PBX3: variants seen among roughly 807,000 people sequenced by gnomAD.
PBX3 encodes PBX homeobox 3.
A neutral mutation model predicts 48.5 loss-of-function variants in PBX3; 14 were observed. The observed-to-expected ratio is 0.29, with a 90% CI of 0.19 to 0.45. The LOEUF is 0.45. Among genes scored for constraint, PBX3 ranks in the 20% least tolerant of loss-of-function variants. The pLI, the probability that PBX3 is intolerant of heterozygous loss-of-function variation, is 1.00. For synonymous variants in PBX3, 210 were observed against 200.3 expected (o/e 1.05, Z -0.41); for missense variants, 386 against 546.7 (o/e 0.71, Z 2.93).
intron 2 of PBX3, among the ~76,000 whole-genome samples, chr9:125,755,886 A>G (rs767373486): frequency 3.9e-5 from 6 of 151,966 alleles, no homozygotes; most frequent in Admixed American, 1.3e-4. Flanking sequence ...CTGTATAAAA[A>G]TATACTAAAA....
intron 3 of PBX3, among the ~76,000 whole-genome samples, chr9:125,919,359 A>ATTTTTTTT (rs34891465): frequency 0.038 from 3,849 of 101,382 alleles, no homozygotes; most frequent in Middle Eastern, 0.059. Context: ...TGCCCGTCTA[A>ATTTTTTTT]TTTTTTTTTT....
chr9:125,844,174 A>G (rs149415671), intron 2 of PBX3, among the ~76,000 whole-genome samples: 2 of 151,958 alleles, frequency 1.3e-5, no homozygotes, highest in Non-Finnish European at 2.9e-5. Context: ...GAAGTTTTCT[A>G]TTATAATTTA....
At chr9:125,823,324 A>G (rs1838710181) in intron 2 of PBX3, among the ~76,000 whole-genome samples, 1 of 152,160 alleles carries the variant, frequency 6.6e-6, no homozygotes, top group Non-Finnish European at 1.5e-5. Flanking sequence ...TTGATGTGCT[A>G]TTTAACTTTT....
chr9:125,827,456 T>A (rs984429715), intron 2 of PBX3, among the ~76,000 whole-genome samples: 1 of 152,166 alleles, frequency 6.6e-6, no homozygotes, highest in Non-Finnish European at 1.5e-5. Flanking sequence ...TTGGTACATA[T>A]TCTTCTCATG....
chr9:125,882,242 A>G (rs1840399784), intron 2 of PBX3, among the ~76,000 whole-genome samples: 1 of 151,638 alleles, frequency 6.6e-6, no homozygotes, highest in Non-Finnish European at 1.5e-5. Flanking sequence ...TTTTTTTACT[A>G]AATTCCAGAC....
At position 125,838,176 on chromosome 9, in the gene PBX3, G is replaced by A. The variant is rs79176942; in HGVS notation, c.275-77510G>A. On this transcript the variant is annotated intron_variant, in intron 2 of 8. Coordinates refer to ENST00000373489, the MANE Select transcript of PBX3 (RefSeq NM_006195.6). ...AGGGATTCTCCTGCCTCAGACCCCT[G>A]TGTAGCTAGGACTGCAGGTGTGCGC... Among the ~76,000 whole-genome samples the A allele has an allele frequency of 3.5e-3, 537 of 152,268 alleles. 3 individuals carry two copies. Among genetic ancestry groups the A allele is most frequent in the African/African-American group, 0.012 (518 of 41,556 alleles).
chr9:125,889,122 C>T (rs191394193), intron 2 of PBX3, among the ~76,000 whole-genome samples: 31 of 152,348 alleles, frequency 2.0e-4, no homozygotes, highest in Admixed American at 1.1e-3. Flanking sequence ...ATACACCAGA[C>T]ACCTTATTGC....
chr9:125,761,132 G>A (rs989347039), intron 2 of PBX3, among the ~76,000 whole-genome samples: 3 of 151,942 alleles, frequency 2.0e-5, no homozygotes, highest in African/African-American at 7.2e-5. Flanking sequence ...TTAATGAAGT[G>A]CAACATAAAT....
intron 2 of PBX3, among the ~76,000 whole-genome samples, chr9:125,853,486 A>C (rs1368166328): frequency 6.6e-6 from 1 of 152,216 alleles, no homozygotes; most frequent in Non-Finnish European, 1.5e-5. Flanking sequence ...AAAAAGAAGA[A>C]TATCAGTCAT....
Position 125,965,868 on chromosome 9 carries a change from C to T in PBX3, c.1250C>T (p.Ser417Phe). The change falls in exon 9 of 9, where the codon TCT (serine) becomes TTT (phenylalanine). Residue 417 changes from serine (S) to phenylalanine (F), a missense_variant. This residue lies in a region of PBX3 where 127 missense variants were observed against 143.3 expected (regional missense o/e 0.89). Coordinates refer to ENST00000373489, the MANE Select transcript of PBX3 (RefSeq NM_006195.6). ...GGWQDATTPS[S>F]VTSPTEGPGS... is the part of the protein sequence containing the mutation. Reference sequence around the variant, plus strand: ...TGGCAGGACGCAACAACTCCATCTTCTGTGACTTCTCCTACAGAAGGCCCA... The same window carrying T: ...TGGCAGGACGCAACAACTCCATCTTTTGTGACTTCTCCTACAGAAGGCCCA... The T allele has an allele frequency of 6.2e-7, 1 of 1,614,176 alleles. No individual in the cohort carries two copies. Among genetic ancestry groups the T allele is most frequent in the South Asian group, 1.1e-5 (1 of 91,082 alleles).
intron 2 of PBX3, among the ~76,000 whole-genome samples, chr9:125,874,386 G>A (rs1840199712): frequency 6.6e-6 from 1 of 152,036 alleles, no homozygotes; most frequent in Non-Finnish European, 1.5e-5. Flanking sequence ...TACAAGAAAG[G>A]AAAATGACAG....
rs199772154 is a variant in PBX3, at chr9:125,788,874, C to CA, written c.274+40263dup. 4.5e-3 allele frequency among the ~76,000 whole-genome samples: 629 copies of CA among 139,120 alleles called. 1 individual carries two copies. Among genetic ancestry groups the CA allele is most frequent in the East Asian group, 0.013 (63 of 4,882 alleles). 91.3% of individuals were successfully genotyped at this position (139,120 alleles called of 152,430 possible). On this transcript the variant is annotated intron_variant, in intron 2 of 8. Transcript: ENST00000373489. The stretch of plus-strand genomic sequence containing the variant: ...TGGGCGACAGAGCGAGACTCCATCT[C>CA]AAAAAAAAAAAAGGAAAGCTTGCTG...
chr9:125,799,773 GAATTT>G (rs1837886431), intron 2 of PBX3, among the ~76,000 whole-genome samples: 1 of 152,134 alleles, frequency 6.6e-6, no homozygotes, highest in Non-Finnish European at 1.5e-5. Context: ...TCATGAGCTA[GAATTT>G]AGTGGTAATT....
At chr9:125,891,166 G>T (rs73667280) in intron 2 of PBX3, among the ~76,000 whole-genome samples, 9,072 of 152,104 alleles carry the variant, frequency 0.06, 629 homozygotes, top group East Asian at 0.17. Flanking sequence ...ACTATGCACT[G>T]GTTCCAAAAA....
intron 2 of PBX3, among the ~76,000 whole-genome samples, chr9:125,911,950 C>T (rs1375464847): frequency 2.6e-5 from 4 of 152,116 alleles, no homozygotes; most frequent in African/African-American, 7.2e-5. Context: ...TTCAGGACCA[C>T]GTGTAGAACA....
Position 125,961,714 on chromosome 9 carries a change from C to T in PBX3, c.1010-388C>T, listed in dbSNP as rs1842435143. Among the ~76,000 whole-genome samples the T allele has an allele frequency of 2.6e-5, 4 of 152,178 alleles. No homozygotes were observed. In the South Asian group the frequency reaches 8.3e-4, roughly 31 times the overall value. On this transcript the variant is annotated intron_variant, in intron 6 of 8. Coordinates refer to ENST00000373489, the MANE Select transcript of PBX3 (RefSeq NM_006195.6). ...AAGAGCTCCTGGAAAAGTCTCTTCTCTGGGTGGCTGTCCACTGTGACAGCC... is the reference window on the plus strand; with the variant it reads ...AAGAGCTCCTGGAAAAGTCTCTTCTTTGGGTGGCTGTCCACTGTGACAGCC...
At position 125,783,992 on chromosome 9, in the gene PBX3, C is replaced by T. The variant is rs186331175; in HGVS notation, c.274+35369C>T. On this transcript the variant is annotated intron_variant, in intron 2 of 8. Coordinates refer to ENST00000373489, the MANE Select transcript of PBX3 (RefSeq NM_006195.6). ...CTGCAGCCTGAGTGACAGATGGAGA[C>T]TTTGTTTCAAAAGAAAAAAACAAAC... Among the ~76,000 whole-genome samples, 54 of 152,130 alleles carry T rather than the reference C, an allele frequency of 3.5e-4. No homozygotes were observed. In the East Asian group the frequency reaches 9.5e-3, roughly 27 times the overall value.
intron 2 of PBX3, among the ~76,000 whole-genome samples, chr9:125,888,095 A>G (rs1224399839): frequency 6.6e-6 from 1 of 152,186 alleles, no homozygotes; most frequent in Admixed American, 6.5e-5. Flanking sequence ...ATGGTGAGGA[A>G]TATGTGCATT....
chr9:125,897,553 A>T (rs1840803660), intron 2 of PBX3, among the ~76,000 whole-genome samples: 1 of 151,872 alleles, frequency 6.6e-6, no homozygotes, highest in Non-Finnish European at 1.5e-5. Context: ...ATTCTCAACA[A>T]ATTAGTTAGA....
Sources: gnomAD v4.1 joint callset for allele counts (sites outside exome capture counted in the v4.1 genomes callset) on GRCh38, gnomAD v4.1.1 for gene constraint, gnomAD v4.1.1 regional missense constraint, MANE v1.5 for transcripts, NCBI Gene and HGNC (gene_info 2026-07-23, HGNC 2026-07-21) for gene names.